FIG4: variants seen among roughly 807,000 people sequenced by gnomAD.
The protein encoded by FIG4 is polyphosphoinositide phosphatase.
Under a neutral mutation model 118.6 loss-of-function variants are expected in FIG4, and 112 were observed. That is an observed-to-expected ratio of 0.94 (90% CI 0.81 to 1.11). The LOEUF (loss-of-function observed/expected upper bound fraction) is 1.11, where lower values mean the gene tolerates loss of function less well. FIG4 is among the 50% of genes least tolerant of loss of function. The probability of loss-of-function intolerance (pLI) is 0.00; values close to 1 mark genes in which losing one functional copy is unlikely to be tolerated. For synonymous variants in FIG4, 369 were observed against 381.2 expected (o/e 0.97, Z 0.37); for missense variants, 969 against 1,111.7 (o/e 0.87, Z 1.83).
At chr6:109,725,249 C>T (rs984903904) in intron 3 of FIG4, among the ~76,000 whole-genome samples, 1 of 152,070 alleles carries the variant, frequency 6.6e-6, no homozygotes, top group Non-Finnish European at 1.5e-5. Flanking sequence ...TGCTCTTCCT[C>T]TCCTTGCCCC....
chr6:109,792,703 A>G (rs762002664), intron 21 of FIG4, 39 bp downstream of exon 21: 3 of 998,808 alleles, frequency 3.0e-6, no homozygotes, highest in Non-Finnish European at 4.7e-6. Context: ...AAAAATGAAT[A>G]TTTATAATTA....
In FIG4 at chr6:109,786,458, T is replaced by C. The variant is rs2128396288; in HGVS notation, c.2096+9T>C. The C allele has an allele frequency of 1.2e-6, 2 of 1,613,618 alleles. No individual in the cohort carries two copies. The highest frequency in any genetic ancestry group is 1.7e-6 in the Non-Finnish European group (2 of 1,179,560). On this transcript the variant is annotated intron_variant, in intron 18 of 22. Transcript: ENST00000230124. Reference sequence around the variant, plus strand: ...ATGACAAGCTCAGCACGGTATGTTGTGTGTATTCTGATACCATAAGTATTT... The same window carrying C: ...ATGACAAGCTCAGCACGGTATGTTGCGTGTATTCTGATACCATAAGTATTT...
At chr6:109,757,129 G>T (rs1234381156) in intron 10 of FIG4, among the ~76,000 whole-genome samples, 1 of 151,956 alleles carries the variant, frequency 6.6e-6, no homozygotes, top group Non-Finnish European at 1.5e-5. Flanking sequence ...AGTCTATTTT[G>T]TTAGTCTTTT....
At chr6:109,698,694 T>TA (rs1332117306) in intron 1 of FIG4, among the ~76,000 whole-genome samples, 2 of 152,236 alleles carry the variant, frequency 1.3e-5, no homozygotes, top group Non-Finnish European at 2.9e-5. Context: ...TGAGACTTTA[T>TA]AAAAAAATTG....
At chr6:109,767,801 G>A (rs1302970940) in intron 15 of FIG4, among the ~76,000 whole-genome samples, 2 of 152,158 alleles carry the variant, frequency 1.3e-5, no homozygotes, top group African/African-American at 2.4e-5. Flanking sequence ...GAACTCCGGA[G>A]GCAGAGCTTG....
At chr6:109,766,145 A>T (rs1562671605) in intron 14 of FIG4, among the ~76,000 whole-genome samples, 3 of 152,218 alleles carry the variant, frequency 2.0e-5, no homozygotes, top group African/African-American at 7.2e-5. Context: ...ATTATAAAAG[A>T]CTGAAGAGAG....
At chr6:109,800,354 G>A (rs953391874) in intron 22 of FIG4, among the ~76,000 whole-genome samples, 2 of 152,062 alleles carry the variant, frequency 1.3e-5, no homozygotes, top group African/African-American at 4.8e-5. Context: ...CTGCTCTGTC[G>A]ATCTTGAGTT....
chr6:109,756,297 A>G (rs888083827), intron 10 of FIG4, among the ~76,000 whole-genome samples: 11 of 152,188 alleles, frequency 7.2e-5, no homozygotes, highest in African/African-American at 1.9e-4. Flanking sequence ...AGTTTCTGCC[A>G]AGAGATCCAC....
rs746059182 is a variant in FIG4 at position 109,825,273 on chromosome 6, G to T, written c.*8G>T. On this transcript the variant is annotated 3_prime_UTR_variant, in exon 23 of 23. Coordinates refer to ENST00000230124, the MANE Select transcript of FIG4 (RefSeq NM_014845.6). ...AGGAACCGCTACCTGTGAAAAGAGC[G>T]CAGGTCCACCTGGTGGACACGTCTG... 28 of 1,611,986 alleles carry T rather than the reference G, an allele frequency of 1.7e-5. No individual in the cohort carries two copies. The highest frequency in any genetic ancestry group is 2.1e-5 in the Non-Finnish European group (25 of 1,178,280).
intron 22 of FIG4, among the ~76,000 whole-genome samples, chr6:109,805,542 A>G (rs1778541686): frequency 6.6e-6 from 1 of 152,192 alleles, no homozygotes; most frequent in Non-Finnish European, 1.5e-5. Context: ...AAAACTCTTT[A>G]TAAGATGGTT....
intron 10 of FIG4, among the ~76,000 whole-genome samples, chr6:109,750,099 T>C (rs979671683): frequency 2.6e-5 from 4 of 152,226 alleles, no homozygotes; most frequent in African/African-American, 9.6e-5. Flanking sequence ...TACCACCATA[T>C]GAAGAAGTTA....
chr6:109,754,008 G>C (rs1310431928), intron 10 of FIG4, among the ~76,000 whole-genome samples: 1 of 152,174 alleles, frequency 6.6e-6, no homozygotes, highest in Non-Finnish European at 1.5e-5. Flanking sequence ...GGGCATCCCT[G>C]TCTTGTGCCA....
intron 20 of FIG4, 108 bp downstream of exon 20, chr6:109,791,679 C>T: frequency 1.1e-6 from 1 of 924,128 alleles, no homozygotes; most frequent in Non-Finnish European, 1.7e-6. Flanking sequence ...CACATTATCT[C>T]ACTGTTGTGT....
At chr6:109,721,842 A>G (rs1338387212) in intron 3 of FIG4, among the ~76,000 whole-genome samples, 1 of 152,198 alleles carries the variant, frequency 6.6e-6, no homozygotes, top group Non-Finnish European at 1.5e-5. Context: ...TTTGTGCAGT[A>G]TGTTTACTTT....
At chr6:109,735,867 G>A (rs535280152) in intron 6 of FIG4, among the ~76,000 whole-genome samples, 1 of 152,034 alleles carries the variant, frequency 6.6e-6, no homozygotes, top group South Asian at 2.1e-4. Flanking sequence ...GCAAGTCAGA[G>A]GTCGTTATTA....
chr6:109,703,839 A>C (rs1175768472), intron 1 of FIG4, among the ~76,000 whole-genome samples: 3 of 152,034 alleles, frequency 2.0e-5, no homozygotes, highest in Non-Finnish European at 4.4e-5. Context: ...TGACGAGTCC[A>C]CCTCGTGCTG....
At chr6:109,743,076 C>T in intron 8 of FIG4, 34 bp from the exon 9 acceptor site, 1 of 1,563,394 alleles carries the variant, frequency 6.4e-7, no homozygotes, top group African/African-American at 1.4e-5. Context: ...TTTCTAATAA[C>T]ATAAAATATT....
rs1173352807 is a variant in FIG4 at position 109,743,142 on chromosome 6, A to G, written c.909A>G (p.Gln303=). 2.5e-6 allele frequency: 4 copies of G among 1,612,946 alleles called. No homozygotes were observed. Among genetic ancestry groups the G allele is most frequent in the Non-Finnish European group, 2.5e-6 (3 of 1,179,310 alleles). ...TTGCAAATGAAGTGGAGACTGAACA[A>G]ATACTCTGCGATGCTTCTGTGATGT... ...GDVANEVETE[Q]ILCDASVMSF... is the part of the protein sequence containing the mutation. Residue 303 remains glutamine, a synonymous_variant, in exon 9 of 23, where the codon CAA becomes CAG. Transcript: ENST00000230124.
intron 20 of FIG4, 141 bp downstream of exon 20, chr6:109,791,712 T>G: frequency 1.3e-6 from 1 of 743,716 alleles, no homozygotes. Context: ...ATAAGATGAA[T>G]ACATTTAGCA....
Sources: allele counts gnomAD v4.1 joint callset (sites outside exome capture counted in the v4.1 genomes callset), GRCh38; gene constraint gnomAD v4.1.1; transcripts MANE v1.5; gene names NCBI Gene and HGNC (gene_info 2026-07-23, HGNC 2026-07-21).